The following CDH3 variants were observed in gnomAD, a reference collection of about 807,000 sequenced individuals.
CDH3 encodes the protein cadherin 3.
A neutral mutation model predicts 82.0 loss-of-function variants in CDH3; 54 were observed. The observed-to-expected ratio is 0.66, with a 90% CI of 0.53 to 0.83. CDH3 has a LOEUF of 0.83. CDH3 is among the 40% of genes least tolerant of loss of function. CDH3 has a pLI of 0.00. For synonymous variants in CDH3, 446 were observed against 437.9 expected, an observed-to-expected ratio of 1.02 and a Z score of -0.23; for missense variants, 1,054 against 1,084.6, an observed-to-expected ratio of 0.97 and a Z score of 0.40.
rs556775205 is a variant in CDH3, at chr16:68,707,747, G to T, written c.99+11824G>T. ...GGTGGTCACTGCCAGCCTTGTCCTCGCTTGGTATTAGGCCCTCTCCAAGTT... is the reference window on the plus strand; with the variant it reads ...GGTGGTCACTGCCAGCCTTGTCCTCTCTTGGTATTAGGCCCTCTCCAAGTT... On this transcript the variant is annotated intron_variant, in intron 1 of 2. Coordinates refer to the CDH3 transcript ENST00000569080. The surrounding 1 kb of genome is among the most constrained non-coding windows in gnomAD (Gnocchi z 4.5). 1.3e-5 allele frequency among the ~76,000 whole-genome samples: 2 copies of T among 152,070 alleles called. No homozygotes were observed. The highest frequency in any genetic ancestry group is 1.3e-4 in the Admixed American group (2 of 15,268).
intron 1 of CDH3, among the ~76,000 whole-genome samples, chr16:68,709,456 G>A (rs1051968970): frequency 6.6e-6 from 1 of 152,056 alleles, no homozygotes; most frequent in African/African-American, 2.4e-5. Context: ...TGGAGGTGCA[G>A]TCTACAGTGG....
chr16:68,661,686 T>C (rs1351484460), intron 2 of CDH3, among the ~76,000 whole-genome samples: 1 of 152,126 alleles, frequency 6.6e-6, no homozygotes, highest in African/African-American at 2.4e-5. Flanking sequence ...TAATCACTAG[T>C]AACTTTTTTT....
chr16:68,678,100 G>A lies in CDH3; in HGVS notation c.247-34G>A, dbSNP rs374789174. 1.9e-6 allele frequency: 3 copies of A among 1,596,162 alleles called. No homozygotes were observed. In the African/African-American group the frequency reaches 4.0e-5, roughly 21 times the overall value. ...GATGTTGAGCATGTCCCAGCTATTT[G>A]CACATCTGGGTTAAGGAGTTTCTCT... is the stretch of plus-strand genomic sequence containing the variant. On this transcript the variant is annotated intron_variant, in intron 3 of 15. Transcript: ENST00000264012.
rs79814384 is a variant in CDH3, at chr16:68,697,917, G to A, written c.2281-274G>A. Among the ~76,000 whole-genome samples, 737 of 152,226 alleles carry A rather than the reference G, an allele frequency of 4.8e-3. 7 individuals are homozygous for A. The highest frequency in any genetic ancestry group is 0.017 in the African/African-American group (698 of 41,524). On this transcript the variant is annotated intron_variant, in intron 15 of 15. Transcript: ENST00000264012. ...CAGGCATAGAGTGGTTAAGGGACTC[G>A]CCCAAGGCCACAAAGCTAGTGTGTG... is the stretch of plus-strand genomic sequence containing the variant.
At position 68,712,315 on chromosome 16, in the gene CDH3, C is replaced by T. The variant is rs575406940; in HGVS notation, c.100-10110C>T. Among the ~76,000 whole-genome samples the T allele has an allele frequency of 1.6e-4, 24 of 152,058 alleles. No individual in the cohort carries two copies. In the East Asian group the frequency reaches 2.1e-3, roughly 13 times the overall value. On this transcript the variant is annotated intron_variant, in intron 1 of 2. Transcript: ENST00000569080. Reference sequence around the variant, plus strand: ...ACCTCCTAAATCCTGGGATTACAGGCGTGAGCCATCACACCCGGCCCAGAG... The same window carrying T: ...ACCTCCTAAATCCTGGGATTACAGGTGTGAGCCATCACACCCGGCCCAGAG...
Position 68,707,657 on chromosome 16 carries a change from GGAGGCGATGGTGGAA to G in CDH3, c.99+11735_99+11749del, listed in dbSNP as rs1961980665. Among the ~76,000 whole-genome samples, 1 of 152,174 alleles carries G rather than the reference GGAGGCGATGGTGGAA, an allele frequency of 6.6e-6. No homozygotes were observed. Among genetic ancestry groups the G allele is most frequent in the Admixed American group, 6.5e-5 (1 of 15,282 alleles). ...TCAGTGGGCTGAAAGGAGACCCCTA[GGAGGCGATGGTGGAA>G]AAGCACTCAGTGTTTAGCGCTGAGC... On this transcript the variant is annotated intron_variant, in intron 1 of 2. Transcript: ENST00000569080. This position sits in a 1 kb window ranked among gnomAD's most constrained non-coding sequence, Gnocchi z 4.5.
chr16:68,729,229 C>T (rs542513616), downstream of CDH3, among the ~76,000 whole-genome samples: 1 of 152,260 alleles, frequency 6.6e-6, no homozygotes, highest in South Asian at 2.1e-4. Flanking sequence ...TGCTTGAACC[C>T]GGGAGGCGGA....
intron 1 of CDH3, among the ~76,000 whole-genome samples, chr16:68,713,058 T>A (rs1467749828): frequency 6.6e-6 from 1 of 152,078 alleles, no homozygotes; most frequent in East Asian, 1.9e-4. Context: ...CCTCCTCCTG[T>A]GATCTCCCCG....
chr16:68,672,155 T>C (rs897893367), intron 2 of CDH3, among the ~76,000 whole-genome samples: 3 of 147,306 alleles, frequency 2.0e-5, no homozygotes, highest in Non-Finnish European at 4.5e-5. Flanking sequence ...ATTGCGCCAC[T>C]GCACTCCAGC....
At position 68,645,346 on chromosome 16, in the gene CDH3, T is replaced by G; in HGVS notation, c.-34T>G. 6.2e-7 allele frequency: 1 copy of G among 1,609,840 alleles called. No individual in the cohort carries two copies. Among genetic ancestry groups the G allele is most frequent in the Non-Finnish European group, 8.5e-7 (1 of 1,177,912 alleles). On this transcript the variant is annotated 5_prime_UTR_variant, in exon 1 of 16. Coordinates refer to ENST00000264012, the MANE Select transcript of CDH3 (RefSeq NM_001793.6). ...AGCTGAGCGGAACACCGGCCCGCCG[T>G]CGCGGCAGCTGCTTCACCCCTCTCT... is the stretch of plus-strand genomic sequence containing the variant.
At chr16:68,716,167 C>T (rs1349199847) in intron 1 of CDH3, among the ~76,000 whole-genome samples, 2 of 149,842 alleles carry the variant, frequency 1.3e-5, no homozygotes, top group Non-Finnish European at 3.0e-5. Flanking sequence ...ACTTGGGAGG[C>T]TGAGGCAGGA....
chr16:68,698,239 C>T lies in CDH3; in HGVS notation c.2329C>T (p.Leu777Phe), dbSNP rs766643892. ...TDPTAPPYDTLLVFDYEGSGS... is the reference protein window; with the variant it reads ...TDPTAPPYDTFLVFDYEGSGS... ...CCCCACAGCCCCGCCCTACGACACC[C>T]TCTTGGTGTTCGACTATGAGGGCAG... The change falls in exon 16 of 16, where the codon CTC becomes TTC. Residue 777 changes from leucine to phenylalanine, a missense_variant. Leu to Phe is a conservative substitution (Grantham distance 22, BLOSUM62 0). Coordinates refer to ENST00000264012, the MANE Select transcript of CDH3 (RefSeq NM_001793.6). 6.2e-7 allele frequency: 1 copy of T among 1,614,142 alleles called. No individual in the cohort carries two copies. The highest frequency in any genetic ancestry group is 8.5e-7 in the Non-Finnish European group (1 of 1,180,056).
downstream of CDH3, among the ~76,000 whole-genome samples, chr16:68,731,068 AT>A (rs1407018137): frequency 1.6e-5 from 2 of 122,026 alleles, no homozygotes; most frequent in East Asian, 4.5e-4. Flanking sequence ...ATATATATAT[AT>A]ATATATATAA....
intron 1 of CDH3, among the ~76,000 whole-genome samples, chr16:68,713,096 CTG>C (rs1363970104): frequency 6.6e-6 from 1 of 152,106 alleles, no homozygotes; most frequent in Non-Finnish European, 1.5e-5. Flanking sequence ...TCCCCACTCT[CTG>C]TGTCTCTATG....
At chr16:68,665,788 ACCT>A (rs962651970) in intron 2 of CDH3, among the ~76,000 whole-genome samples, 13 of 151,856 alleles carry the variant, frequency 8.6e-5, no homozygotes, top group African/African-American at 2.9e-4. Flanking sequence ...GGGAAGACTC[ACCT>A]CCTAAGGGTT....
At chr16:68,727,702 A>G (rs1962233445), downstream of CDH3, among the ~76,000 whole-genome samples, 1 of 152,090 alleles carries the variant, frequency 6.6e-6, no homozygotes, top group Non-Finnish European at 1.5e-5. Flanking sequence ...TGAGGTCAGG[A>G]GTTCTAGACC....
chr16:68,662,912 A>G (rs957552954), intron 2 of CDH3, among the ~76,000 whole-genome samples: 9 of 117,490 alleles, frequency 7.7e-5, no homozygotes, highest in Admixed American at 5.9e-4. Context: ...TCTGTCACCC[A>G]GGCTGGAGTG....
At chr16:68,658,715 C>T (rs1261612480) in intron 2 of CDH3, among the ~76,000 whole-genome samples, 1 of 152,170 alleles carries the variant, frequency 6.6e-6, no homozygotes, top group African/African-American at 2.4e-5. Context: ...GGCTTCCCAC[C>T]GTACTTCGAA....
chr16:68,666,490 T>C (rs1313351652), intron 2 of CDH3, among the ~76,000 whole-genome samples: 2 of 152,076 alleles, frequency 1.3e-5, no homozygotes, highest in African/African-American at 4.8e-5. Context: ...CCAAGGCCTC[T>C]TGGGATCCCA....
Sources: gnomAD v4.1 joint callset for allele counts (sites outside exome capture counted in the v4.1 genomes callset) on GRCh38, gnomAD v4.1.1 for gene constraint, Gnocchi (gnomAD v3.1) non-coding constraint, MANE v1.5 for transcripts, NCBI Gene and HGNC (gene_info 2026-07-23, HGNC 2026-07-21) for gene names.